GNG7: variants seen among roughly 807,000 people sequenced by gnomAD.
GNG7 encodes the protein G protein subunit gamma 7.
A neutral mutation model predicts 4.0 loss-of-function variants in GNG7; 1 was observed. The observed-to-expected ratio is 0.25, with a 90% CI of 0.09 to 1.18. GNG7 has a LOEUF of 1.18. Ranked by LOEUF, GNG7 falls within the 50% of genes most tolerant of loss-of-function variation. The pLI, the probability that GNG7 is intolerant of heterozygous loss-of-function variation, is 0.50. For synonymous variants in GNG7, 34 were observed against 36.9 expected, an observed-to-expected ratio of 0.92 and a Z score of 0.29; for missense variants, 86 against 91.9, an observed-to-expected ratio of 0.94 and a Z score of 0.26.
chr19:2,521,108 A>T (rs1285555938), intron 3 of GNG7, among the ~76,000 whole-genome samples: 5 of 139,756 alleles, frequency 3.6e-5, no homozygotes, highest in South Asian at 4.6e-4. Context: ...AAAAAAAAAA[A>T]TACAAAAATT....
At chr19:2,622,085 T>TTC (rs1555698243) in intron 2 of GNG7, among the ~76,000 whole-genome samples, 4 of 151,114 alleles carry the variant, frequency 2.6e-5, no homozygotes, top group African/African-American at 9.8e-5. Context: ...TTTTTTTTTT[T>TTC]TCTCTCTCTT....
At chr19:2,689,651 C>T (rs190005459) in intron 1 of GNG7, among the ~76,000 whole-genome samples, 3 of 135,114 alleles carry the variant, frequency 2.2e-5, no homozygotes, top group Non-Finnish European at 4.6e-5. Context: ...AAAAAAAAAC[C>T]ATATTCGATG....
chr19:2,611,007 G>GGT lies in GNG7; in HGVS notation c.-78+35216_-78+35217insAC, dbSNP rs1555697675. The GGT allele has an allele frequency of 2.8e-5, 3 of 106,234 alleles. No homozygotes were observed. Among genetic ancestry groups the GGT allele is most frequent in the African/African-American group, 1.4e-4 (3 of 21,268 alleles). The allele number at this position is 106,234 out of a possible 1,614,324, so 6.6% of individuals were successfully genotyped here. A position where few individuals can be genotyped will look rare whatever the true frequency, so the allele number is the denominator to read the frequency against. ...GAACGGGCTCACGTGCCAGGCTCGG[G>GGT]GGGGGGGAAGCGTCCTCAACATTCT... On this transcript the variant is annotated intron_variant, in intron 2 of 4. Coordinates refer to ENST00000382159, the MANE Select transcript of GNG7 (RefSeq NM_052847.3). This position sits in a 1 kb window ranked among gnomAD's most constrained non-coding sequence, Gnocchi z 6.0.
intron 1 of GNG7, among the ~76,000 whole-genome samples, 158 bp from the exon 2 acceptor site, chr19:2,646,438 A>G (rs1982668948): frequency 6.6e-6 from 1 of 152,226 alleles, no homozygotes; most frequent in South Asian, 2.1e-4. Flanking sequence ...CTGTAATCCC[A>G]GCACTTTGGG....
chr19:2,669,594 C>A (rs1983398663), intron 1 of GNG7, among the ~76,000 whole-genome samples: 1 of 152,240 alleles, frequency 6.6e-6, no homozygotes, highest in Non-Finnish European at 1.5e-5. Flanking sequence ...TGAAATACAG[C>A]CATGCCCGTT....
intron 2 of GNG7, among the ~76,000 whole-genome samples, chr19:2,600,232 G>A (rs1981157891): frequency 6.6e-6 from 1 of 150,380 alleles, no homozygotes; most frequent in South Asian, 2.1e-4. Flanking sequence ...TTAGGAGGAT[G>A]ACACGTTTAA....
chr19:2,587,133 G>A (rs983904642), intron 2 of GNG7, among the ~76,000 whole-genome samples: 7 of 151,950 alleles, frequency 4.6e-5, no homozygotes, highest in South Asian at 4.1e-4. Context: ...AGGATCAGCC[G>A]CAGGTTAGGA....
chr19:2,548,738 A>G (rs1003415011), intron 3 of GNG7, among the ~76,000 whole-genome samples: 11,298 of 129,188 alleles, frequency 0.087, 2 homozygotes, highest in South Asian at 0.1. Flanking sequence ...GCAGTGAGCC[A>G]AGATCGTGCC....
intron 2 of GNG7, among the ~76,000 whole-genome samples, chr19:2,605,745 C>T (rs1003948172): frequency 1.3e-4 from 19 of 151,914 alleles, no homozygotes; most frequent in Non-Finnish European, 2.1e-4. Flanking sequence ...ATCTCCTGAC[C>T]TCGTGATCTG....
At chr19:2,572,717 C>T (rs1412180479) in intron 2 of GNG7, among the ~76,000 whole-genome samples, 1 of 151,898 alleles carries the variant, frequency 6.6e-6, no homozygotes, top group East Asian at 1.9e-4. Context: ...TCTCAGCCTC[C>T]CGAGTAGCTG....
intron 1 of GNG7, among the ~76,000 whole-genome samples, chr19:2,692,428 G>A (rs1201973413): frequency 6.6e-6 from 1 of 151,998 alleles, no homozygotes; most frequent in Non-Finnish European, 1.5e-5. Flanking sequence ...GAGGTCAGGA[G>A]ATCGAGACCA....
intron 1 of GNG7, among the ~76,000 whole-genome samples, chr19:2,671,958 G>T (rs1483018457): frequency 1.4e-5 from 2 of 147,918 alleles, no homozygotes; most frequent in Non-Finnish European, 3.0e-5. Flanking sequence ...GGCTGAGGCA[G>T]GAGAATGGCA....
In GNG7 at chr19:2,613,986, C is replaced by T. The variant is rs144977959; in HGVS notation, c.-78+32238G>A. Among the ~76,000 whole-genome samples, 234 of 152,332 alleles carry T rather than the reference C, an allele frequency of 1.5e-3. 8 individuals carry two copies. In the South Asian group the frequency reaches 0.031, roughly 20 times the overall value. Reference sequence around the variant, plus strand: ...AGGCCAGCGAAGGCCACGGCCACAGCGACATCTAAAGGCCGGCAAGTGCAA... The same window carrying T: ...AGGCCAGCGAAGGCCACGGCCACAGTGACATCTAAAGGCCGGCAAGTGCAA... On this transcript the variant is annotated intron_variant, in intron 2 of 4. Transcript: ENST00000382159.
intron 1 of GNG7, among the ~76,000 whole-genome samples, chr19:2,664,421 C>A (rs575960301): frequency 6.6e-6 from 1 of 152,180 alleles, no homozygotes; most frequent in African/African-American, 2.4e-5. Flanking sequence ...GGGGGAGTGA[C>A]GTGGCTGCTT....
chr19:2,648,537 G>T (rs1416190304), intron 1 of GNG7, among the ~76,000 whole-genome samples: 1 of 152,202 alleles, frequency 6.6e-6, no homozygotes, highest in Non-Finnish European at 1.5e-5. Flanking sequence ...TAAAAAAAAT[G>T]CAGACTTTTT....
intron 1 of GNG7, among the ~76,000 whole-genome samples, chr19:2,688,787 C>T (rs962873626): frequency 1.4e-4 from 21 of 152,184 alleles, no homozygotes; most frequent in South Asian, 4.1e-4. Context: ...CATTGTTAGC[C>T]GGGCACAGTG....
chr19:2,654,339 C>A (rs993616191), intron 1 of GNG7, among the ~76,000 whole-genome samples: 1 of 152,160 alleles, frequency 6.6e-6, no homozygotes, highest in Non-Finnish European at 1.5e-5. Context: ...CCCTCCCAAC[C>A]CCCAGGCACT....
At chr19:2,555,611 G>T (rs1002582993) in intron 2 of GNG7, among the ~76,000 whole-genome samples, 4 of 152,124 alleles carry the variant, frequency 2.6e-5, no homozygotes, top group African/African-American at 9.7e-5. Flanking sequence ...GCCACGTGCC[G>T]GGCAAAGGGA....
chr19:2,554,424 AC>A, intron 3 of GNG7, among the ~76,000 whole-genome samples: 1 of 148,032 alleles, frequency 6.8e-6, no homozygotes, highest in East Asian at 2.0e-4. Context: ...GCTCACTGCA[AC>A]CCCGAACTCC....
Sources: gnomAD v4.1 joint callset for allele counts (sites outside exome capture counted in the v4.1 genomes callset) on GRCh38, gnomAD v4.1.1 for gene constraint, Gnocchi (gnomAD v3.1) non-coding constraint, MANE v1.5 for transcripts, NCBI Gene and HGNC (gene_info 2026-07-23, HGNC 2026-07-21) for gene names.